Variants in CFAP77 observed in about 807,000 individuals in gnomAD.
CFAP77 encodes the protein cilia and flagella associated protein 77, also known as cilia- and flagella-associated protein 77.
CFAP77 carries 25 observed loss-of-function variants against 31.1 expected under a neutral mutation model. That is an observed-to-expected ratio of 0.80 (90% CI 0.59 to 1.12). The LOEUF is 1.12. Ranked by LOEUF, CFAP77 falls within the 50% of genes most tolerant of loss-of-function variation. The pLI is 0.00. For missense variants in CFAP77, 377 were observed against 397.3 expected (o/e 0.95, Z 0.44); for synonymous variants, 151 against 159.9 (o/e 0.94, Z 0.42).
At chr9:132,567,605 C>G (rs1237886929) in intron 5 of CFAP77, among the ~76,000 whole-genome samples, 2 of 152,184 alleles carry the variant, frequency 1.3e-5, no homozygotes, top group East Asian at 3.9e-4. Flanking sequence ...GGCTTGAGGG[C>G]TGTATTAGCT....
At chr9:132,519,519 G>T (rs111216750) in intron 3 of CFAP77, among the ~76,000 whole-genome samples, 4,375 of 55,662 alleles carry the variant, frequency 0.079, 571 homozygotes, top group East Asian at 0.38. Context: ...TGGGTGGGTG[G>T]GTAGATGGAT....
At chr9:132,532,959 T>A (rs1345371877) in intron 3 of CFAP77, among the ~76,000 whole-genome samples, 1 of 152,162 alleles carries the variant, frequency 6.6e-6, no homozygotes, top group Non-Finnish European at 1.5e-5. Flanking sequence ...AGGCCGAGAA[T>A]ATCAGATAAA....
chr9:132,533,918 A>G (rs923784753), intron 3 of CFAP77, among the ~76,000 whole-genome samples: 5 of 152,168 alleles, frequency 3.3e-5, no homozygotes, highest in Non-Finnish European at 7.4e-5. Context: ...AAGTAATTTG[A>G]CAATGCTGGT....
intron 5 of CFAP77, among the ~76,000 whole-genome samples, chr9:132,563,471 T>C (rs1236676479): frequency 6.6e-6 from 1 of 152,216 alleles, no homozygotes; most frequent in Non-Finnish European, 1.5e-5. Context: ...GAGTGTCCAC[T>C]GTAGTGGATG....
chr9:132,477,390 C>T lies in CFAP77; in HGVS notation c.196-21305C>T, dbSNP rs548352118. 1.6e-4 allele frequency among the ~76,000 whole-genome samples: 24 copies of T among 152,282 alleles called. No homozygotes were observed. In the East Asian group the frequency reaches 4.2e-3, roughly 27 times the overall value. The stretch of plus-strand genomic sequence containing the variant: ...CAGTGAGCAAACCAGCCACCAAACC[C>T]CATCCCACAGAGCTTGTTTTAGGGA... On this transcript the variant is annotated intron_variant, in intron 1 of 5. Transcript: ENST00000393216.
chr9:132,419,756 C>T (rs1369415357), intron 1 of CFAP77, among the ~76,000 whole-genome samples: 2 of 152,090 alleles, frequency 1.3e-5, no homozygotes, highest in Non-Finnish European at 1.5e-5. Context: ...TATTGAACAC[C>T]TACAATGTGC....
intron 3 of CFAP77, among the ~76,000 whole-genome samples, chr9:132,529,729 C>T: frequency 6.6e-6 from 1 of 150,566 alleles, no homozygotes; most frequent in Non-Finnish European, 1.5e-5. Flanking sequence ...GGGAGGCTGA[C>T]ACAGGAGAGT....
chr9:132,442,603 T>A (rs1265536708), intron 1 of CFAP77, among the ~76,000 whole-genome samples: 1 of 152,154 alleles, frequency 6.6e-6, no homozygotes, highest in Non-Finnish European at 1.5e-5. Context: ...TTACATAATC[T>A]TATAAACCTT....
At chr9:132,570,520 C>G (rs1211458878) in intron 5 of CFAP77, among the ~76,000 whole-genome samples, 1 of 152,206 alleles carries the variant, frequency 6.6e-6, no homozygotes, top group Non-Finnish European at 1.5e-5. Flanking sequence ...CATGGAGGGT[C>G]CCTAGAGGGA....
At chr9:132,558,790 A>G (rs1384330055) in intron 5 of CFAP77, among the ~76,000 whole-genome samples, 1 of 151,822 alleles carries the variant, frequency 6.6e-6, no homozygotes, top group Non-Finnish European at 1.5e-5. Context: ...AGATGGGCAG[A>G]TCACCTGAGG....
At chr9:132,433,150 C>T (rs1304714390) in intron 1 of CFAP77, among the ~76,000 whole-genome samples, 1 of 152,058 alleles carries the variant, frequency 6.6e-6, no homozygotes, top group African/African-American at 2.4e-5. Context: ...ATGTCAGGAC[C>T]CTTGATTCCT....
At chr9:132,428,435 G>A (rs1034580235) in intron 1 of CFAP77, among the ~76,000 whole-genome samples, 14 of 152,170 alleles carry the variant, frequency 9.2e-5, no homozygotes, top group African/African-American at 2.9e-4. Flanking sequence ...CCAACATGGC[G>A]AAACCTCATC....
At chr9:132,567,269 C>T (rs1829895885) in intron 5 of CFAP77, among the ~76,000 whole-genome samples, 1 of 152,212 alleles carries the variant, frequency 6.6e-6, no homozygotes, top group Non-Finnish European at 1.5e-5. Context: ...GAATATGGAA[C>T]TTGGAACTCT....
At chr9:132,561,831 A>G (rs574195139) in intron 5 of CFAP77, among the ~76,000 whole-genome samples, 18 of 152,272 alleles carry the variant, frequency 1.2e-4, no homozygotes, top group African/African-American at 4.3e-4. Flanking sequence ...GGGTGGAGGC[A>G]GTAAGAAGGC....
chr9:132,538,228 C>G (rs542668961), intron 4 of CFAP77, among the ~76,000 whole-genome samples: 2 of 152,342 alleles, frequency 1.3e-5, no homozygotes, highest in East Asian at 3.9e-4. Flanking sequence ...CAAACACCTC[C>G]CGTGCATGAC....
At position 132,478,649 on chromosome 9, in the gene CFAP77, G is replaced by A. The variant is rs139812229; in HGVS notation, c.196-20046G>A. Among the ~76,000 whole-genome samples the A allele has an allele frequency of 1.6e-3, 248 of 152,350 alleles. 1 individual carries two copies. Among genetic ancestry groups the A allele is most frequent in the African/African-American group, 5.7e-3 (239 of 41,576 alleles). ...TTCTCCAAGGCAGATGGGGCCCGGC[G>A]TGGGCTGGAGGTGACGAGGAGGGGA... is the stretch of plus-strand genomic sequence containing the variant. On this transcript the variant is annotated intron_variant, in intron 1 of 5. Transcript: ENST00000393216.
intron 3 of CFAP77, among the ~76,000 whole-genome samples, chr9:132,529,866 C>G (rs1266937240): frequency 6.6e-6 from 1 of 151,702 alleles, no homozygotes; most frequent in Admixed American, 6.6e-5. Flanking sequence ...AAAGAAACTG[C>G]CAAACAGTTT....
rs138323308 is a variant in CFAP77 at position 132,499,501 on chromosome 9, G to A, written c.425G>A (p.Arg142His). Residue 142 changes from arginine to histidine, a missense_variant, in exon 3 of 6, where the codon CGT (arginine) becomes CAT (histidine). Physicochemically the swap from Arg to His is conservative, Grantham distance 29. Coordinates refer to ENST00000393216, the MANE Select transcript of CFAP77 (RefSeq NM_001282957.2). This position sits in a 1 kb window ranked among gnomAD's most constrained non-coding sequence, Gnocchi z 5.4. Reference protein sequence around the residue: ...LVTARENLLYRQLNDIRISDQ... With the variant: ...LVTARENLLYHQLNDIRISDQ... ...ACTGCCCGGGAGAACTTGCTCTACC[G>A]TCAGCTCAATGACATCCGCATCAGT... The A allele has an allele frequency of 2.6e-5, 42 of 1,614,186 alleles. 1 individual carries two copies. In the African/African-American group the frequency reaches 3.9e-4, roughly 15 times the overall value.
intron 1 of CFAP77, among the ~76,000 whole-genome samples, chr9:132,458,373 T>C (rs1850967299): frequency 1.4e-5 from 2 of 145,682 alleles, no homozygotes; most frequent in South Asian, 4.3e-4. Flanking sequence ...TATGGAAGGC[T>C]CAGCTCATCC....
Sources: allele counts gnomAD v4.1 joint callset (sites outside exome capture counted in the v4.1 genomes callset), GRCh38; gene constraint gnomAD v4.1.1; non-coding constraint Gnocchi (gnomAD v3.1); transcripts MANE v1.5; gene names NCBI Gene and HGNC (gene_info 2026-07-23, HGNC 2026-07-21).